Variants in AKT3 observed in about 807,000 individuals in gnomAD.
The protein encoded by AKT3 is AKT serine/threonine kinase 3.
In AKT3, 15 loss-of-function variants were observed where a neutral mutation model predicts 65.3. The observed-to-expected ratio is 0.23, with a 90% CI of 0.15 to 0.35. AKT3 has a LOEUF of 0.35. Among genes scored for constraint, AKT3 ranks in the 10% least tolerant of loss-of-function variants. The pLI, the probability that AKT3 is intolerant of heterozygous loss-of-function variation, is 1.00. For missense variants in AKT3, 243 were observed against 576.5 expected (o/e 0.42, Z 5.92); for synonymous variants, 206 against 183.8 (o/e 1.12, Z -0.98).
chr1:243,609,452 G>A (rs190567837), intron 8 of AKT3, among the ~76,000 whole-genome samples: 123 of 152,100 alleles, frequency 8.1e-4, no homozygotes, highest in South Asian at 1.9e-3. Flanking sequence ...GAGGTCAGGA[G>A]TTCAAGACTA....
intron 2 of AKT3, among the ~76,000 whole-genome samples, chr1:243,722,110 C>G (rs1209660273): frequency 6.6e-6 from 1 of 152,098 alleles, no homozygotes; most frequent in Non-Finnish European, 1.5e-5. Context: ...CACAGCTTAG[C>G]AGGTCACAGC....
intron 2 of AKT3, among the ~76,000 whole-genome samples, chr1:243,800,672 C>T (rs766343595): frequency 8.6e-5 from 13 of 151,790 alleles, no homozygotes; most frequent in Non-Finnish European, 1.5e-4. Context: ...GAGCCAAGAT[C>T]GCGCCATTGC....
chr1:243,664,183 G>GTTTT (rs1682599607), intron 4 of AKT3, among the ~76,000 whole-genome samples: 1 of 103,712 alleles, frequency 9.6e-6, no homozygotes, highest in Non-Finnish European at 2.0e-5. Context: ...CTATAAAAAT[G>GTTTT]TCTTTTTTTT....
chr1:243,536,936 G>A (rs1404193960), intron 12 of AKT3, among the ~76,000 whole-genome samples: 1 of 152,072 alleles, frequency 6.6e-6, no homozygotes, highest in Non-Finnish European at 1.5e-5. Flanking sequence ...TCTTCCGCTG[G>A]TGCATCTGTT....
At chr1:243,651,251 G>A (rs1681295984) in intron 4 of AKT3, among the ~76,000 whole-genome samples, 1 of 152,174 alleles carries the variant, frequency 6.6e-6, no homozygotes, top group Non-Finnish European at 1.5e-5. Flanking sequence ...TTTGTATCCT[G>A]AGACTTTGCC....
At chr1:243,622,719 GT>G (rs1180137791) in intron 6 of AKT3, among the ~76,000 whole-genome samples, 2 of 152,194 alleles carry the variant, frequency 1.3e-5, no homozygotes, top group East Asian at 3.8e-4. Context: ...AACAATGACA[GT>G]TGATGAAGGT....
At chr1:243,557,448 G>A (rs536724164) in intron 10 of AKT3, among the ~76,000 whole-genome samples, 5 of 151,950 alleles carry the variant, frequency 3.3e-5, no homozygotes, top group Admixed American at 1.3e-4. Flanking sequence ...AAGTTAGGGC[G>A]AAAAATAGCT....
At chr1:243,668,857 C>G (rs1422112853) in intron 3 of AKT3, among the ~76,000 whole-genome samples, 4 of 152,056 alleles carry the variant, frequency 2.6e-5, no homozygotes, top group Admixed American at 2.6e-4. Context: ...AAGTGAGAAC[C>G]TGGGGATGTG....
intron 2 of AKT3, among the ~76,000 whole-genome samples, chr1:243,770,501 T>C (rs72761657): frequency 0.034 from 5,224 of 152,104 alleles, 128 homozygotes; most frequent in Non-Finnish European, 0.057. Context: ...CATCCACCAA[T>C]GTGCCTGTCT....
At chr1:243,776,710 A>G (rs1391833311) in intron 2 of AKT3, among the ~76,000 whole-genome samples, 1 of 152,188 alleles carries the variant, frequency 6.6e-6, no homozygotes, top group Non-Finnish European at 1.5e-5. Context: ...TAACCTCCCT[A>G]CAGTGGATCC....
chr1:243,776,290 AAATT>A (rs1690541186), intron 2 of AKT3, among the ~76,000 whole-genome samples: 1 of 152,220 alleles, frequency 6.6e-6, no homozygotes, highest in Non-Finnish European at 1.5e-5. Context: ...TGCTTTCCAT[AAATT>A]AATTAATCCT....
At chr1:243,759,258 T>G (rs1014615702) in intron 2 of AKT3, among the ~76,000 whole-genome samples, 2 of 151,996 alleles carry the variant, frequency 1.3e-5, no homozygotes, top group Non-Finnish European at 1.5e-5. Context: ...GAGGCTGCAG[T>G]GAGCTATGAT....
intron 3 of AKT3, 61 bp downstream of exon 3, chr1:243,695,530 G>A (rs1685006446): frequency 6.9e-7 from 1 of 1,448,758 alleles, no homozygotes; most frequent in Non-Finnish European, 9.3e-7. Context: ...TAAGATATCT[G>A]ACACATAAAA....
chr1:243,600,501 C>T (rs1368641317), intron 8 of AKT3, among the ~76,000 whole-genome samples: 1 of 152,006 alleles, frequency 6.6e-6, no homozygotes, highest in Non-Finnish European at 1.5e-5. Context: ...GTCCAGAAAT[C>T]GACCCACACA....
chr1:243,560,032 C>A (rs57800608), intron 10 of AKT3, among the ~76,000 whole-genome samples: 1 of 152,158 alleles, frequency 6.6e-6, no homozygotes, highest in African/African-American at 2.4e-5. Context: ...AGTAATTTTC[C>A]CTAGCCCACA....
chr1:243,843,001 T>A, intron 2 of AKT3, 124 bp downstream of exon 2: 1 of 981,742 alleles, frequency 1.0e-6, no homozygotes. Flanking sequence ...AATATATCAT[T>A]TCTCTCTTAC....
chr1:243,643,538 T>C (rs1479176914), intron 5 of AKT3, among the ~76,000 whole-genome samples: 7 of 152,222 alleles, frequency 4.6e-5, no homozygotes, highest in African/African-American at 1.4e-4. Context: ...TAGAACCACA[T>C]TTTCTTTTAA....
intron 3 of AKT3, among the ~76,000 whole-genome samples, chr1:243,682,528 G>T (rs1296107707): frequency 6.6e-6 from 1 of 152,164 alleles, no homozygotes; most frequent in Middle Eastern, 3.2e-3. Flanking sequence ...AACAAACAGG[G>T]TAGCTAGTGC....
chr1:243,830,843 G>T (rs1027245725), intron 2 of AKT3, among the ~76,000 whole-genome samples: 2 of 152,022 alleles, frequency 1.3e-5, no homozygotes, highest in African/African-American at 4.8e-5. Flanking sequence ...TTATTTACTA[G>T]TCCATTCTGG....
Sources: allele counts gnomAD v4.1 joint callset (sites outside exome capture counted in the v4.1 genomes callset), GRCh38; gene constraint gnomAD v4.1.1; transcripts MANE v1.5; gene names NCBI Gene and HGNC (gene_info 2026-07-23, HGNC 2026-07-21).